HS3ST5: variants seen among roughly 807,000 people sequenced by gnomAD.
The protein encoded by HS3ST5 is heparan sulfate glucosamine 3-O-sulfotransferase 5.
A neutral mutation model predicts 25.4 loss-of-function variants in HS3ST5; 10 were observed. That is an observed-to-expected ratio of 0.39 (90% CI 0.24 to 0.67). The LOEUF (loss-of-function observed/expected upper bound fraction) is 0.67. HS3ST5 is among the 30% of genes least tolerant of loss of function. The pLI is 0.44. For missense variants in HS3ST5, 324 were observed against 420.7 expected (o/e 0.77, Z 2.01); for synonymous variants, 170 against 162.4 (o/e 1.05, Z -0.36).
At chr6:114,286,823 T>A in intron 1 of HS3ST5, among the ~76,000 whole-genome samples, 1 of 152,026 alleles carries the variant, frequency 6.6e-6, no homozygotes. Context: ...TGTCTTAATA[T>A]TTATCATGAA....
chr6:114,136,228 G>A (rs1300809156), intron 3 of HS3ST5, among the ~76,000 whole-genome samples: 3 of 152,204 alleles, frequency 2.0e-5, no homozygotes, highest in Non-Finnish European at 2.9e-5. Flanking sequence ...TAAGTCCCAC[G>A]TGTCATGGGA....
intron 3 of HS3ST5, among the ~76,000 whole-genome samples, chr6:114,148,943 A>G (rs1242593382): frequency 6.6e-6 from 1 of 152,234 alleles, no homozygotes; most frequent in Non-Finnish European, 1.5e-5. Flanking sequence ...GACATTTCTC[A>G]AAAGAAGACA....
chr6:114,150,104 G>A (rs1431376910), intron 3 of HS3ST5, among the ~76,000 whole-genome samples: 1 of 152,200 alleles, frequency 6.6e-6, no homozygotes, highest in Non-Finnish European at 1.5e-5. Flanking sequence ...TTTTCTTGAT[G>A]ACCATTAAAT....
intron 2 of HS3ST5, among the ~76,000 whole-genome samples, chr6:114,217,598 T>A (rs1220588086): frequency 6.6e-6 from 1 of 152,204 alleles, no homozygotes. Context: ...AGTCTATATC[T>A]ACTGAGCCTT....
At chr6:114,080,742 G>A (rs1774405158) in intron 3 of HS3ST5, among the ~76,000 whole-genome samples, 1 of 152,126 alleles carries the variant, frequency 6.6e-6, no homozygotes, top group Admixed American at 6.5e-5. Flanking sequence ...AGCACCCATG[G>A]ACAAAAACAT....
chr6:114,256,428 C>CTTAA (rs1336806075), intron 1 of HS3ST5, among the ~76,000 whole-genome samples: 1 of 151,642 alleles, frequency 6.6e-6, no homozygotes, highest in Non-Finnish European at 1.5e-5. Context: ...ATGCTTTTAA[C>CTTAA]AGCACCCAGC....
chr6:114,078,854 G>A (rs912321153), intron 3 of HS3ST5, among the ~76,000 whole-genome samples: 13 of 152,158 alleles, frequency 8.5e-5, no homozygotes, highest in African/African-American at 2.2e-4. Context: ...TGGAGATGTC[G>A]TGGATTTGGT....
chr6:114,237,621 T>A (rs1488583498), intron 1 of HS3ST5, among the ~76,000 whole-genome samples: 2 of 152,206 alleles, frequency 1.3e-5, no homozygotes, highest in Non-Finnish European at 2.9e-5. Context: ...GATTTTAATA[T>A]GGAACCTGAG....
rs182368521 is a variant in HS3ST5, at chr6:114,280,874, C to T, written c.-338-52096G>A. Among the ~76,000 whole-genome samples, 9 of 152,080 alleles carry T rather than the reference C, an allele frequency of 5.9e-5. No individual in the cohort carries two copies. The East Asian group carries it at 1.2e-3, about 20-fold the overall frequency. ...AATTCATAAAACCTCAAATCATCAT[C>T]GAACTAACATTGCAATCTGTAAATG... On this transcript the variant is annotated intron_variant, in intron 1 of 4. Transcript: ENST00000312719.
At chr6:114,248,208 G>GAAAAAA (rs386408321) in intron 1 of HS3ST5, among the ~76,000 whole-genome samples, 1 of 135,990 alleles carries the variant, frequency 7.4e-6, no homozygotes, top group Non-Finnish European at 1.6e-5. Flanking sequence ...CTCAAAAAAT[G>GAAAAAA]AAAAAAAAAA....
intron 2 of HS3ST5, among the ~76,000 whole-genome samples, chr6:114,225,942 C>G (rs2010820): frequency 1.2e-3 from 189 of 152,036 alleles, no homozygotes; most frequent in Middle Eastern, 6.8e-3. Context: ...AAATATACCA[C>G]CCACTCTCGA....
At chr6:114,241,721 G>A (rs1772137551) in intron 1 of HS3ST5, among the ~76,000 whole-genome samples, 2 of 152,228 alleles carry the variant, frequency 1.3e-5, no homozygotes, top group Non-Finnish European at 2.9e-5. Flanking sequence ...ACTAAACCCG[G>A]CTAGGAGATT....
At chr6:114,182,159 T>C (rs530483008) in intron 2 of HS3ST5, among the ~76,000 whole-genome samples, 11 of 152,280 alleles carry the variant, frequency 7.2e-5, no homozygotes, top group Admixed American at 7.2e-4. Context: ...GTTATTACTG[T>C]TAGTGTTTCA....
intron 3 of HS3ST5, among the ~76,000 whole-genome samples, chr6:114,141,747 G>A (rs570239359): frequency 2.0e-5 from 3 of 152,300 alleles, no homozygotes; most frequent in Admixed American, 6.5e-5. Flanking sequence ...GAGAAGGTGA[G>A]CGTGCCCTTC....
chr6:114,253,699 G>A (rs1772770464), intron 1 of HS3ST5, among the ~76,000 whole-genome samples: 1 of 152,170 alleles, frequency 6.6e-6, no homozygotes, highest in Non-Finnish European at 1.5e-5. Flanking sequence ...AGGGAATAAC[G>A]AGATTCAATT....
chr6:114,097,477 T>C lies in HS3ST5; in HGVS notation c.-32-34600A>G, dbSNP rs561218590. Among the ~76,000 whole-genome samples, 388 of 152,076 alleles carry C rather than the reference T, an allele frequency of 2.6e-3. 1 individual carries two copies. Among genetic ancestry groups the C allele is most frequent in the Non-Finnish European group, 4.2e-3 (287 of 67,842 alleles). ...ATTGGGTATTTAGCATCCTTTATAT[T>C]GTATATTGTAATTTATGTTTGTTTC... is the stretch of plus-strand genomic sequence containing the variant. On this transcript the variant is annotated intron_variant, in intron 3 of 4. Transcript: ENST00000312719.
At chr6:114,307,353 T>C (rs530788124) in intron 1 of HS3ST5, among the ~76,000 whole-genome samples, 17 of 143,448 alleles carry the variant, frequency 1.2e-4, no homozygotes, top group African/African-American at 4.3e-4. Flanking sequence ...ACAAATATCC[T>C]TACTGTTTTT....
chr6:114,250,446 T>C (rs897913891), intron 1 of HS3ST5, among the ~76,000 whole-genome samples: 1 of 152,060 alleles, frequency 6.6e-6, no homozygotes, highest in African/African-American at 2.4e-5. Context: ...TCGGGCGTGG[T>C]GGCAGGCGCC....
chr6:114,320,763 T>A (rs1775933434), intron 1 of HS3ST5, among the ~76,000 whole-genome samples: 1 of 151,994 alleles, frequency 6.6e-6, no homozygotes. Flanking sequence ...ATGTTTTATT[T>A]GAGAAAAATT....
Sources: gnomAD v4.1 joint callset for allele counts (sites outside exome capture counted in the v4.1 genomes callset) on GRCh38, gnomAD v4.1.1 for gene constraint, MANE v1.5 for transcripts, NCBI Gene and HGNC (gene_info 2026-07-23, HGNC 2026-07-21) for gene names.